The following MYO5C variants were observed in gnomAD, a reference collection of about 807,000 sequenced individuals.
MYO5C encodes the protein myosin VC.
In MYO5C, 194 loss-of-function variants were observed where a neutral mutation model predicts 235.7. The ratio of observed to expected loss-of-function variants is 0.82; its 90% CI spans 0.73 to 0.93. The LOEUF is 0.93. Ranked by LOEUF, MYO5C falls within the 40% of genes least tolerant of loss-of-function variation. The pLI is 0.00. For synonymous variants in MYO5C, 707 were observed against 754.8 expected (o/e 0.94, Z 1.04); for missense variants, 2,038 against 2,127.2 (o/e 0.96, Z 0.82).
intron 13 of MYO5C, among the ~76,000 whole-genome samples, chr15:52,249,497 T>C (rs1012610249): frequency 6.6e-6 from 1 of 152,138 alleles, no homozygotes; most frequent in Non-Finnish European, 1.5e-5. Context: ...AAATTGACAA[T>C]GAGGAAACAG....
intron 32 of MYO5C, among the ~76,000 whole-genome samples, chr15:52,215,801 C>T (rs2035539681): frequency 6.6e-6 from 1 of 152,172 alleles, no homozygotes; most frequent in African/African-American, 2.4e-5. Context: ...TCAAATCCTA[C>T]ATTTTTCTCT....
At chr15:52,267,072 C>T (rs1488459606) in intron 8 of MYO5C, among the ~76,000 whole-genome samples, 1 of 152,210 alleles carries the variant, frequency 6.6e-6, no homozygotes, top group African/African-American at 2.4e-5. Flanking sequence ...GTGCCTCTCT[C>T]GTCTCGTCCC....
chr15:52,282,702 G>T, intron 2 of MYO5C, 80 bp downstream of exon 2: 1 of 1,012,748 alleles, frequency 9.9e-7, no homozygotes, highest in Non-Finnish European at 1.6e-6. Context: ...CTCCCACGGG[G>T]TCCACGTGCT....
chr15:52,275,532 C>A, intron 5 of MYO5C, 30 bp downstream of exon 5: 1 of 1,612,552 alleles, frequency 6.2e-7, no homozygotes, highest in Non-Finnish European at 8.5e-7. Flanking sequence ...CCATCACCAA[C>A]ACCCAGCTGC....
At chr15:52,195,123 GA>G (rs1450124156) in intron 40 of MYO5C, among the ~76,000 whole-genome samples, 2 of 152,132 alleles carry the variant, frequency 1.3e-5, no homozygotes, top group Non-Finnish European at 2.9e-5. Context: ...CGATCAGTAA[GA>G]AATAAGATAT....
intron 29 of MYO5C, among the ~76,000 whole-genome samples, chr15:52,222,307 G>C (rs751632184): frequency 9.9e-5 from 15 of 152,160 alleles, no homozygotes; most frequent in African/African-American, 1.9e-4. Flanking sequence ...AATAAACAAA[G>C]ATGTAAAGGT....
intron 25 of MYO5C, 70 bp downstream of exon 25, chr15:52,229,063 C>A: frequency 6.3e-7 from 1 of 1,580,158 alleles, no homozygotes; most frequent in Admixed American, 1.7e-5. Context: ...GCTGTCTAAT[C>A]TGTGGGAACT....
At position 52,271,752 on chromosome 15, in the gene MYO5C, C is replaced by A; in HGVS notation, c.832+11G>T. The A allele has an allele frequency of 6.7e-7, 1 of 1,496,836 alleles. No homozygotes were observed. The highest frequency in any genetic ancestry group is 9.1e-7 in the Non-Finnish European group (1 of 1,099,374). The allele number at this position is 1,496,836 out of a possible 1,614,324, so 92.7% of individuals were successfully genotyped here. ...AAAGAGAGACCCTTTCATACACGAT[C>A]CATCACATACCCAATTTAAGATGTT... On this transcript the variant is annotated intron_variant, in intron 7 of 40. Transcript: ENST00000261839.
At position 52,214,675 on chromosome 15, in the gene MYO5C, ATTC is replaced by A. The variant is rs1321911992; in HGVS notation, c.3967_3969del (p.Glu1323del). ...TTAATCACTCTGTCTTTCATGTCTAATTCTTCTTCAAGATCCTACAGCAATAAA... is the reference window on the plus strand; with the variant it reads ...TTAATCACTCTGTCTTTCATGTCTAATTCTTCAAGATCCTACAGCAATAAA... On this transcript the variant is annotated inframe_deletion, in exon 33 of 41. Coordinates refer to ENST00000261839, the MANE Select transcript of MYO5C (RefSeq NM_018728.4). 2.5e-6 allele frequency: 4 copies of A among 1,605,026 alleles called. No homozygotes were observed. Among genetic ancestry groups the A allele is most frequent in the South Asian group, 2.2e-5 (2 of 89,528 alleles).
At chr15:52,284,843 T>C (rs1379868159) in intron 1 of MYO5C, among the ~76,000 whole-genome samples, 14 of 134,020 alleles carry the variant, frequency 1.0e-4, no homozygotes, top group African/African-American at 2.0e-4. Flanking sequence ...TTCTTTCTTT[T>C]TTTTTTTTTT....
rs554882871 is a variant in MYO5C at position 52,237,923 on chromosome 15, C to G, written c.2704-277G>C. 3.2e-3 allele frequency among the ~76,000 whole-genome samples: 485 copies of G among 151,738 alleles called. 2 individuals carry two copies. The highest frequency in any genetic ancestry group is 0.011 in the African/African-American group (463 of 41,454). ...AACCCTAGTGTTATGAACTGTGCCC[C>G]CCGCCAAAATTCATTTGTTGAAGTC... On this transcript the variant is annotated intron_variant, in intron 21 of 40. Transcript: ENST00000261839.
At chr15:52,217,788 A>G (rs892643083) in intron 32 of MYO5C, among the ~76,000 whole-genome samples, 2 of 152,180 alleles carry the variant, frequency 1.3e-5, no homozygotes, top group African/African-American at 2.4e-5. Flanking sequence ...AGCAGGGAGA[A>G]GGGTACGTGG....
At chr15:52,287,129 C>T (rs2037293105) in intron 1 of MYO5C, among the ~76,000 whole-genome samples, 1 of 151,954 alleles carries the variant, frequency 6.6e-6, no homozygotes, top group Non-Finnish European at 1.5e-5. Flanking sequence ...TCATGACTAC[C>T]CCTAAATCAT....
At chr15:52,218,437 A>G in intron 32 of MYO5C, 82 bp downstream of exon 32, 1 of 1,333,530 alleles carries the variant, frequency 7.5e-7, no homozygotes, top group Non-Finnish European at 1.1e-6. Context: ...GATGTTAATC[A>G]TATGCTTTAG....
chr15:52,276,081 C>A (rs1401987754), intron 4 of MYO5C, among the ~76,000 whole-genome samples: 1 of 152,158 alleles, frequency 6.6e-6, no homozygotes, highest in African/African-American at 2.4e-5. Context: ...CCTCTGCCTT[C>A]CCCACCCTCT....
rs2034951077 is a variant in MYO5C at position 52,192,564 on chromosome 15, T to C, written c.*1338A>G. 1 of 152,124 alleles carries C rather than the reference T, an allele frequency of 6.6e-6. No homozygotes were observed. The highest frequency in any genetic ancestry group is 1.5e-5 in the Non-Finnish European group (1 of 68,024). 9.4% of individuals were successfully genotyped at this position (152,124 alleles called of 1,614,324 possible). On this transcript the variant is annotated 3_prime_UTR_variant, in exon 41 of 41. Transcript: ENST00000261839. ...AGAAGGTGCAATTGGGATTCTTAGG[T>C]TGGTGACAGAATAGCACTGGATCCA...
chr15:52,223,322 C>A (rs918062571), intron 29 of MYO5C, among the ~76,000 whole-genome samples: 2 of 152,144 alleles, frequency 1.3e-5, no homozygotes, highest in African/African-American at 4.8e-5. Context: ...CAGACAATCA[C>A]AGCGCCTGCA....
Position 52,218,687 on chromosome 15 carries a change from C to T in MYO5C, c.3786G>A (p.Lys1262=). 1 of 1,613,924 alleles carries T rather than the reference C, an allele frequency of 6.2e-7. No homozygotes were observed. Among genetic ancestry groups the T allele is most frequent in the Non-Finnish European group, 8.5e-7 (1 of 1,179,938 alleles). Residue 1262 remains lysine, a splice_region_variant and synonymous_variant, in exon 32 of 41, where the codon AAG becomes AAA. Coordinates refer to ENST00000261839, the MANE Select transcript of MYO5C (RefSeq NM_018728.4). ...RSQEEEGTQR[K]ALEAQNEIHT... ...GTATTTCATTTTGGGCTTCCAAGGCCCTGAGAAAGGGAGGGAGGAATGGCT... is the reference window on the plus strand; with the variant it reads ...GTATTTCATTTTGGGCTTCCAAGGCTCTGAGAAAGGGAGGGAGGAATGGCT...
At chr15:52,227,589 G>A (rs910298483) in intron 25 of MYO5C, among the ~76,000 whole-genome samples, 1 of 152,068 alleles carries the variant, frequency 6.6e-6, no homozygotes, top group Non-Finnish European at 1.5e-5. Flanking sequence ...CTCTGCAAGC[G>A]CAGTCTCACA....
Sources: allele counts gnomAD v4.1 joint callset (sites outside exome capture counted in the v4.1 genomes callset), GRCh38; gene constraint gnomAD v4.1.1; transcripts MANE v1.5; gene names NCBI Gene and HGNC (gene_info 2026-07-23, HGNC 2026-07-21).